The following CLASP1 variants were observed in gnomAD, a reference collection of about 807,000 sequenced individuals.
The protein encoded by CLASP1 is cytoplasmic linker associated protein 1, also known as CLIP-associating protein 1.
In CLASP1, 38 loss-of-function variants were observed where a neutral mutation model predicts 192.3. The observed-to-expected ratio is 0.20, with a 90% CI of 0.15 to 0.26. The LOEUF (loss-of-function observed/expected upper bound fraction) is 0.26, where lower values mean the gene tolerates loss of function less well. Among genes scored for constraint, CLASP1 ranks in the 10% least tolerant of loss-of-function variants. The pLI, the probability that CLASP1 is intolerant of heterozygous loss-of-function variation, is 1.00. For missense variants in CLASP1, 1,433 were observed against 1,932.5 expected (o/e 0.74, Z 4.85); for synonymous variants, 691 against 712.8 (o/e 0.97, Z 0.49).
chr2:121,474,652 C>T (rs142384880), intron 8 of CLASP1, among the ~76,000 whole-genome samples: 5,085 of 152,174 alleles, frequency 0.033, 113 homozygotes, highest in Middle Eastern at 0.061. Flanking sequence ...AGGAGAATGG[C>T]GTGAACCCAA....
intron 2 of CLASP1, among the ~76,000 whole-genome samples, chr2:121,538,367 G>GCC (rs1455229644): frequency 6.6e-6 from 1 of 151,906 alleles, no homozygotes; most frequent in Non-Finnish European, 1.5e-5. Flanking sequence ...ACCCAAGATT[G>GCC]CGCCATTGTA....
At chr2:121,393,494 C>A (rs868281240) in intron 30 of CLASP1, among the ~76,000 whole-genome samples, 1 of 152,062 alleles carries the variant, frequency 6.6e-6, no homozygotes, top group Non-Finnish European at 1.5e-5. Context: ...AATTTTAAAT[C>A]TTATCAATTT....
intron 2 of CLASP1, among the ~76,000 whole-genome samples, chr2:121,586,470 T>C (rs2061728306): frequency 6.6e-6 from 1 of 152,206 alleles, no homozygotes; most frequent in South Asian, 2.1e-4. Context: ...CCTAGATGTA[T>C]TATTTAAAAA....
intron 1 of CLASP1, among the ~76,000 whole-genome samples, chr2:121,610,095 A>G (rs1047181799): frequency 2.0e-5 from 3 of 152,256 alleles, no homozygotes; most frequent in Non-Finnish European, 2.9e-5. Context: ...TCATAAAAAG[A>G]GAAATCAAAA....
intron 39 of CLASP1, 87 bp from the exon 41 acceptor site, chr2:121,341,034 G>T: frequency 1.2e-6 from 1 of 861,740 alleles, no homozygotes; most frequent in South Asian, 1.4e-5. Flanking sequence ...GTGACAGTAA[G>T]GAAACAGCAA....
At chr2:121,532,371 C>G (rs565219479) in intron 2 of CLASP1, 17 of 152,204 alleles carry the variant, frequency 1.1e-4, no homozygotes, top group Non-Finnish European at 5.9e-5. Context: ...CTATGACTTC[C>G]TTCCAGAGTA....
At chr2:121,476,136 T>C (rs915410090) in intron 8 of CLASP1, among the ~76,000 whole-genome samples, 1 of 152,132 alleles carries the variant, frequency 6.6e-6, no homozygotes, top group Non-Finnish European at 1.5e-5. Context: ...AACACAATCA[T>C]CCATGGCCTT....
chr2:121,459,100 G>C (rs548874831), intron 12 of CLASP1, 125 bp from the exon 13 acceptor site: 13 of 614,098 alleles, frequency 2.1e-5, no homozygotes, highest in Non-Finnish European at 3.1e-5. Context: ...TGAGATTTCC[G>C]ATGTGCATGT....
chr2:121,355,601 C>T (rs534831925), intron 37 of CLASP1, among the ~76,000 whole-genome samples: 1 of 152,328 alleles, frequency 6.6e-6, no homozygotes, highest in South Asian at 2.1e-4. Flanking sequence ...TTCTCAACTT[C>T]CCTCTATATG....
intron 2 of CLASP1, among the ~76,000 whole-genome samples, chr2:121,577,387 T>A: frequency 6.6e-6 from 1 of 152,154 alleles, no homozygotes; most frequent in East Asian, 1.9e-4. Flanking sequence ...AAAGGAATCC[T>A]ATGAGGCCAT....
chr2:121,605,178 G>T lies in CLASP1; in HGVS notation c.195+523C>A, dbSNP rs189645001. Among the ~76,000 whole-genome samples the T allele has an allele frequency of 6.6e-4, 81 of 122,440 alleles. 1 individual carries two copies. The highest frequency in any genetic ancestry group is 5.9e-3 in the Admixed American group (48 of 8,202). The allele number at this position is 122,440 out of a possible 152,430, so 80.3% of individuals were successfully genotyped here. A position where few individuals can be genotyped will look rare whatever the true frequency, so the allele number is the denominator to read the frequency against. Reference sequence around the variant, plus strand: ...TAAACAGCCTTGACCTTTAGATCCTGAAGGATATCCTCTAGGCCATTACAC... The same window carrying T: ...TAAACAGCCTTGACCTTTAGATCCTTAAGGATATCCTCTAGGCCATTACAC... On this transcript the variant is annotated intron_variant, in intron 2 of 39. Transcript: ENST00000263710.
chr2:121,614,002 G>T (rs2066042604), intron 1 of CLASP1, among the ~76,000 whole-genome samples: 1 of 152,130 alleles, frequency 6.6e-6, no homozygotes, highest in African/African-American at 2.4e-5. Flanking sequence ...TCTGGTGCTG[G>T]CTGTTGGCTG....
chr2:121,372,653 T>A (rs2149294729), intron 34 of CLASP1, among the ~76,000 whole-genome samples: 1 of 152,354 alleles, frequency 6.6e-6, no homozygotes, highest in African/African-American at 2.4e-5. Flanking sequence ...ATTCTTCTGT[T>A]TCTGCTCATG....
Position 121,365,292 on chromosome 2 carries a change from A to G in CLASP1, c.3887-8T>C, listed in dbSNP as rs756192612. The stretch of plus-strand genomic sequence containing the variant: ...CAGAATGGTCGATGGGCACTGGTGA[A>G]ACACACCAGACATACGTCACCTCGT... On this transcript the variant is annotated splice_polypyrimidine_tract_variant and splice_region_variant and intron_variant, in intron 35 of 39. Transcript: ENST00000263710. 2.4e-5 allele frequency: 39 copies of G among 1,609,384 alleles called. No homozygotes were observed. The highest frequency in any genetic ancestry group is 3.1e-5 in the Non-Finnish European group (36 of 1,177,864).
chr2:121,452,345 C>G (rs774607299), intron 14 of CLASP1, among the ~76,000 whole-genome samples: 1 of 152,152 alleles, frequency 6.6e-6, no homozygotes, highest in Non-Finnish European at 1.5e-5. Flanking sequence ...TGGATTTTCT[C>G]CAACTACTTT....
intron 32 of CLASP1, among the ~76,000 whole-genome samples, chr2:121,383,329 G>A (rs969108347): frequency 3.9e-5 from 6 of 152,190 alleles, no homozygotes; most frequent in Non-Finnish European, 8.8e-5. Context: ...GGAAAATAAG[G>A]CATTGAGATG....
At chr2:121,449,105 G>A (rs750489909) in exon 17 of CLASP1, 80 of 1,613,748 alleles carry the variant, frequency 5.0e-5, no homozygotes, top group Non-Finnish European at 6.6e-5. Flanking sequence ...AGTGACTGTG[G>A]AAACCCCAGT....
chr2:121,362,279 G>T (rs1197438931), intron 37 of CLASP1, among the ~76,000 whole-genome samples: 1 of 152,230 alleles, frequency 6.6e-6, no homozygotes, highest in Non-Finnish European at 1.5e-5. Flanking sequence ...TGAATCATTT[G>T]TATCTGGACA....
At chr2:121,572,459 C>T (rs538799670) in intron 2 of CLASP1, among the ~76,000 whole-genome samples, 1 of 152,142 alleles carries the variant, frequency 6.6e-6, no homozygotes, top group South Asian at 2.1e-4. Flanking sequence ...TTTCTTCATG[C>T]TTTTCTGCCA....
Sources: gnomAD v4.1 joint callset for allele counts (sites outside exome capture counted in the v4.1 genomes callset) on GRCh38, gnomAD v4.1.1 for gene constraint, MANE v1.5 for transcripts, NCBI Gene and HGNC (gene_info 2026-07-23, HGNC 2026-07-21) for gene names.